SBNO1: variants seen among roughly 807,000 people sequenced by gnomAD.
The protein encoded by SBNO1 is strawberry notch homolog 1.
Under a neutral mutation model 173.6 loss-of-function variants are expected in SBNO1, and 23 were observed. The ratio of observed to expected loss-of-function variants is 0.13; its 90% confidence interval spans 0.10 to 0.19. The LOEUF (loss-of-function observed/expected upper bound fraction) is 0.19, where lower values mean the gene tolerates loss of function less well. SBNO1 is among the 10% of genes least tolerant of loss of function. The pLI is 1.00. For synonymous variants in SBNO1, 632 were observed against 571.5 expected, an observed-to-expected ratio of 1.11 and a Z score of -1.51; for missense variants, 1,238 against 1,671.2, an observed-to-expected ratio of 0.74 and a Z score of 4.52.
intron 21 of SBNO1, 49 bp downstream of exon 21, chr12:123,317,172 A>T: frequency 6.2e-7 from 1 of 1,603,088 alleles, no homozygotes; most frequent in Non-Finnish European, 8.5e-7. Flanking sequence ...AATTTACCCC[A>T]ATGATTCCTA....
intron 13 of SBNO1, 71 bp from the exon 14 acceptor site, chr12:123,326,405 CA>C: frequency 1.0e-6 from 1 of 985,270 alleles, no homozygotes; most frequent in Non-Finnish European, 1.5e-6. Flanking sequence ...CCAATTAAAT[CA>C]AAACAATGTT....
chr12:123,312,533 G>A (rs1206245565), intron 24 of SBNO1, among the ~76,000 whole-genome samples: 2 of 151,846 alleles, frequency 1.3e-5, no homozygotes, highest in African/African-American at 2.4e-5. Context: ...TCAACATGGC[G>A]AAACCCCATC....
In SBNO1 at chr12:123,360,934, AG is replaced by A. The variant is rs537435381; in HGVS notation, c.-1+3766del. Among the ~76,000 whole-genome samples, 5 of 152,152 alleles carry A rather than the reference AG, an allele frequency of 3.3e-5. No individual in the cohort carries two copies. In the South Asian group the frequency reaches 1.0e-3, roughly 32 times the overall value. On this transcript the variant is annotated intron_variant, in intron 1 of 31. Transcript: ENST00000602398. Reference sequence around the variant, plus strand: ...GAGACCATCCTGGCCAACATGGTGAAGCCCCATCCCTATTAAAAATGCAAAA... The same window carrying A: ...GAGACCATCCTGGCCAACATGGTGAACCCCATCCCTATTAAAAATGCAAAA...
chr12:123,348,168 G>C (rs1242806296), intron 2 of SBNO1, 35 bp from the exon 3 acceptor site: 5 of 1,137,052 alleles, frequency 4.4e-6, no homozygotes, highest in Non-Finnish European at 6.6e-6. Flanking sequence ...AAAAATAAAA[G>C]GACAGCAGTA....
chr12:123,335,270 C>A (rs1871703169), intron 6 of SBNO1, among the ~76,000 whole-genome samples: 1 of 152,164 alleles, frequency 6.6e-6, no homozygotes, highest in African/African-American at 2.4e-5. Flanking sequence ...GAAACCCCAT[C>A]TCTACTAAAA....
At chr12:123,359,554 CA>C (rs62698860) in intron 1 of SBNO1, among the ~76,000 whole-genome samples, 19 of 136,898 alleles carry the variant, frequency 1.4e-4, no homozygotes, top group East Asian at 4.4e-4. Context: ...GACTCCGTCT[CA>C]AAAAAAAAAA....
Position 123,328,043 on chromosome 12 carries a change from TA to T in SBNO1, c.1297-17del. On this transcript the variant is annotated splice_polypyrimidine_tract_variant and intron_variant, in intron 10 of 31. Transcript: ENST00000602398. ...CAAACACTATCTAAATGGAATGAGT[TA>T]AGGAATGTATCACATTAGTATTAAG... 1 of 1,586,918 alleles carries T rather than the reference TA, an allele frequency of 6.3e-7. No individual in the cohort carries two copies. The highest frequency in any genetic ancestry group is 8.6e-7 in the Non-Finnish European group (1 of 1,161,130).
At chr12:123,322,534 G>A (rs1189853790) in intron 16 of SBNO1, among the ~76,000 whole-genome samples, 1 of 151,994 alleles carries the variant, frequency 6.6e-6, no homozygotes, top group African/African-American at 2.4e-5. Flanking sequence ...CTGACCTCAG[G>A]TGATCCGCCT....
chr12:123,299,349 CAG>C (rs1325276919), intron 30 of SBNO1, among the ~76,000 whole-genome samples: 1 of 149,810 alleles, frequency 6.7e-6, no homozygotes, highest in Admixed American at 6.7e-5. Context: ...GCCTGGGCAA[CAG>C]AGTGAGACTC....
chr12:123,304,866 G>A, intron 28 of SBNO1, 147 bp from the exon 29 acceptor site: 2 of 607,382 alleles, frequency 3.3e-6, no homozygotes, highest in South Asian at 4.5e-5. Context: ...GAAAATGCTT[G>A]TTTAAAAGAC....
intron 1 of SBNO1, among the ~76,000 whole-genome samples, chr12:123,362,941 A>G (rs953533384): frequency 5.3e-5 from 8 of 151,694 alleles, no homozygotes; most frequent in African/African-American, 1.9e-4. Flanking sequence ...AAAAAAAATT[A>G]GCTGCTGTAG....
At chr12:123,338,014 G>C (rs1367782531) in intron 5 of SBNO1, among the ~76,000 whole-genome samples, 1 of 152,132 alleles carries the variant, frequency 6.6e-6, no homozygotes, top group East Asian at 1.9e-4. Flanking sequence ...ATGTGAGATA[G>C]CAACTGACAT....
At chr12:123,311,745 T>TAC (rs547611066) in intron 24 of SBNO1, among the ~76,000 whole-genome samples, 19 of 142,792 alleles carry the variant, frequency 1.3e-4, no homozygotes, top group African/African-American at 4.8e-4. Flanking sequence ...TATATATATA[T>TAC]ATATTTTTGC....
At chr12:123,324,842 C>T (rs1294095527) in intron 15 of SBNO1, among the ~76,000 whole-genome samples, 1 of 151,744 alleles carries the variant, frequency 6.6e-6, no homozygotes, top group Non-Finnish European at 1.5e-5. Context: ...CTCACTCTGC[C>T]GCCCAGAGGG....
At chr12:123,348,773 AC>A (rs1477995475) in intron 2 of SBNO1, among the ~76,000 whole-genome samples, 2 of 151,930 alleles carry the variant, frequency 1.3e-5, no homozygotes, top group African/African-American at 2.4e-5. Flanking sequence ...CTCAAAAAAA[AC>A]AAATAAATAA....
intron 17 of SBNO1, 150 bp from the exon 18 acceptor site, chr12:123,321,016 T>G (rs1295556343): frequency 6.6e-6 from 4 of 602,750 alleles, no homozygotes; most frequent in Non-Finnish European, 8.3e-6. Flanking sequence ...CTCAGCTTAC[T>G]GCAATCTCCA....
At chr12:123,360,989 T>C (rs1331521976) in intron 1 of SBNO1, among the ~76,000 whole-genome samples, 2 of 152,142 alleles carry the variant, frequency 1.3e-5, no homozygotes, top group Non-Finnish European at 2.9e-5. Context: ...CTCACGCCTA[T>C]AATCCCAGCA....
chr12:123,298,980 T>C (rs2048693138), intron 30 of SBNO1, among the ~76,000 whole-genome samples: 2 of 152,158 alleles, frequency 1.3e-5, no homozygotes, highest in African/African-American at 2.4e-5. Context: ...CCCAGCACTT[T>C]GGGAGGCTGA....
At position 123,294,164 on chromosome 12, in the gene SBNO1, T is replaced by C. The variant is rs1454278047; in HGVS notation, c.*1744A>G. 1 of 152,220 alleles carries C rather than the reference T, an allele frequency of 6.6e-6. No homozygotes were observed. The highest frequency in any genetic ancestry group is 1.5e-5 in the Non-Finnish European group (1 of 68,046). The allele number at this position is 152,220 out of a possible 1,614,324, so 9.4% of individuals were successfully genotyped here. A position where few individuals can be genotyped will look rare whatever the true frequency, so the allele number is the denominator to read the frequency against. ...CAAAGAACAGAAAGTACTTTCAATT[T>C]ATTCTTTTAGGCACCAAGAATAAAT... is the stretch of plus-strand genomic sequence containing the variant. On this transcript the variant is annotated 3_prime_UTR_variant, in exon 32 of 32. Transcript: ENST00000602398.
Sources: gnomAD v4.1 joint callset for allele counts (sites outside exome capture counted in the v4.1 genomes callset) on GRCh38, gnomAD v4.1.1 for gene constraint, MANE v1.5 for transcripts, NCBI Gene and HGNC (gene_info 2026-07-23, HGNC 2026-07-21) for gene names.